Variants in GPR39 observed in about 807,000 individuals in gnomAD.
GPR39 encodes G protein-coupled receptor 39.
In GPR39, 23 loss-of-function variants were observed where a neutral mutation model predicts 18.4. The observed-to-expected ratio is 1.25, with a 90% CI of 0.90 to 1.77. The LOEUF is 1.77. Among genes scored for constraint, GPR39 ranks in the 40% most tolerant of loss-of-function variants. The probability of loss-of-function intolerance (pLI) is 0.00; values close to 1 mark genes in which losing one functional copy is unlikely to be tolerated. For synonymous variants in GPR39, 280 were observed against 257.9 expected (o/e 1.09, Z -0.82); for missense variants, 647 against 602.4 (o/e 1.07, Z -0.78).
At chr2:132,444,042 T>A (rs1040618683) in intron 1 of GPR39, among the ~76,000 whole-genome samples, 1 of 152,164 alleles carries the variant, frequency 6.6e-6, no homozygotes, top group Non-Finnish European at 1.5e-5. Flanking sequence ...CCCACTGCAC[T>A]CCAGCCTAGG....
intron 1 of GPR39, among the ~76,000 whole-genome samples, chr2:132,556,422 C>G (rs896332798): frequency 7.2e-5 from 11 of 152,166 alleles, no homozygotes; most frequent in African/African-American, 2.7e-4. Flanking sequence ...TCACAGTTGA[C>G]TCTGTAGCTG....
chr2:132,466,695 G>T (rs549460746), intron 1 of GPR39, among the ~76,000 whole-genome samples: 270 of 152,324 alleles, frequency 1.8e-3, no homozygotes, highest in Non-Finnish European at 3.1e-3. Context: ...CAAATTAGTT[G>T]CTGGGTGTCC....
chr2:132,628,824 C>G (rs1681598640), intron 1 of GPR39, among the ~76,000 whole-genome samples: 1 of 152,018 alleles, frequency 6.6e-6, no homozygotes, highest in Non-Finnish European at 1.5e-5. Context: ...AGGATAAGAC[C>G]TTGGCACACA....
chr2:132,586,524 G>A (rs559396151), intron 1 of GPR39, among the ~76,000 whole-genome samples: 1 of 152,152 alleles, frequency 6.6e-6, no homozygotes, highest in Non-Finnish European at 1.5e-5. Flanking sequence ...AGACACCCTT[G>A]GGGCCTTCCC....
chr2:132,485,292 G>C (rs1488786700), intron 1 of GPR39, among the ~76,000 whole-genome samples: 4 of 152,136 alleles, frequency 2.6e-5, no homozygotes, highest in African/African-American at 9.7e-5. Flanking sequence ...GAGTCTTTTT[G>C]CTAGTGAACT....
chr2:132,630,937 G>T (rs1036773477), intron 1 of GPR39, among the ~76,000 whole-genome samples: 3 of 152,130 alleles, frequency 2.0e-5, no homozygotes, highest in African/African-American at 7.2e-5. Context: ...CCCATTGTAG[G>T]TATAGATAAG....
intron 1 of GPR39, among the ~76,000 whole-genome samples, chr2:132,555,190 T>C (rs1322473303): frequency 6.6e-6 from 1 of 151,616 alleles, no homozygotes; most frequent in African/African-American, 2.4e-5. Context: ...GACCTTGTGA[T>C]CCACCTGCCT....
chr2:132,589,907 T>C (rs1680798505), intron 1 of GPR39, among the ~76,000 whole-genome samples: 1 of 152,148 alleles, frequency 6.6e-6, no homozygotes, highest in African/African-American at 2.4e-5. Context: ...AGAAAGGCAT[T>C]GTAATTTAAT....
chr2:132,454,220 G>A (rs766773296), intron 1 of GPR39, among the ~76,000 whole-genome samples: 4 of 152,060 alleles, frequency 2.6e-5, no homozygotes, highest in African/African-American at 9.7e-5. Context: ...TGAATTCCTA[G>A]GTATTTTATT....
chr2:132,508,758 A>C (rs1456343165), intron 1 of GPR39, among the ~76,000 whole-genome samples: 3 of 152,180 alleles, frequency 2.0e-5, no homozygotes, highest in African/African-American at 7.2e-5. Context: ...GGAGCCTCAG[A>C]GAGGTTCCTG....
At chr2:132,440,985 A>G (rs1366382400) in intron 1 of GPR39, among the ~76,000 whole-genome samples, 1 of 152,204 alleles carries the variant, frequency 6.6e-6, no homozygotes, top group Non-Finnish European at 1.5e-5. Context: ...CTGTTTGTCT[A>G]TGTGGGTAAA....
intron 1 of GPR39, among the ~76,000 whole-genome samples, chr2:132,550,398 T>C (rs1215697486): frequency 6.6e-6 from 1 of 152,190 alleles, no homozygotes; most frequent in East Asian, 1.9e-4. Context: ...GGTACTTGCC[T>C]CTTGGAAAAC....
intron 1 of GPR39, among the ~76,000 whole-genome samples, chr2:132,462,493 A>T (rs575065462): frequency 3.9e-5 from 6 of 152,338 alleles, no homozygotes; most frequent in African/African-American, 1.2e-4. Context: ...AGGCCATTCA[A>T]GGCCCTCCTG....
chr2:132,629,549 T>TC (rs1681611971), intron 1 of GPR39, among the ~76,000 whole-genome samples: 2 of 152,292 alleles, frequency 1.3e-5, no homozygotes, highest in Admixed American at 6.5e-5. Flanking sequence ...GATCCTGCAG[T>TC]CTAGGGAAGT....
At chr2:132,422,126 C>A (rs571626070) in intron 1 of GPR39, among the ~76,000 whole-genome samples, 3 of 152,070 alleles carry the variant, frequency 2.0e-5, no homozygotes, top group Non-Finnish European at 2.9e-5. Context: ...ATCTGATAAC[C>A]TTTGTGTTTT....
intron 1 of GPR39, among the ~76,000 whole-genome samples, chr2:132,418,971 C>T (rs764692978): frequency 1.1e-4 from 17 of 152,088 alleles, no homozygotes; most frequent in Non-Finnish European, 2.5e-4. Context: ...GTTCCAGGGA[C>T]AGGAGGTAGA....
At chr2:132,562,034 C>T (rs1484592403) in intron 1 of GPR39, among the ~76,000 whole-genome samples, 2 of 152,122 alleles carry the variant, frequency 1.3e-5, no homozygotes, top group African/African-American at 4.8e-5. Context: ...ATCTAGGCAC[C>T]CCAGTCCAGT....
chr2:132,430,196 C>T (rs1380824038), intron 1 of GPR39, among the ~76,000 whole-genome samples: 1 of 152,200 alleles, frequency 6.6e-6, no homozygotes, highest in Admixed American at 6.5e-5. Context: ...TAGTTATCAA[C>T]CCTGCTAAAC....
At chr2:132,516,134 A>C (rs1366095210) in intron 1 of GPR39, among the ~76,000 whole-genome samples, 1 of 151,836 alleles carries the variant, frequency 6.6e-6, no homozygotes, top group Non-Finnish European at 1.5e-5. Flanking sequence ...GTCTGTGCCC[A>C]CCTCTTGCTC....
Sources: allele counts gnomAD v4.1 joint callset (sites outside exome capture counted in the v4.1 genomes callset), GRCh38; gene constraint gnomAD v4.1.1; transcripts MANE v1.5; gene names NCBI Gene and HGNC (gene_info 2026-07-23, HGNC 2026-07-21).